ANKRD36: variants seen among roughly 807,000 people sequenced by gnomAD.
ANKRD36 encodes ankyrin repeat domain-containing protein 36A.
ANKRD36 carries 179 observed loss-of-function variants against 278.1 expected under a neutral mutation model. That is an observed-to-expected ratio of 0.64 (90% CI 0.57 to 0.73). ANKRD36 has a LOEUF of 0.73. Among genes scored for constraint, ANKRD36 ranks in the 30% least tolerant of loss-of-function variants. ANKRD36 has a pLI of 0.00. For missense variants in ANKRD36, 1,159 were observed against 1,956.7 expected (o/e 0.59, Z 7.69); for synonymous variants, 320 against 641.1 (o/e 0.50, Z 7.57).
chr2:97,205,923 T>C lies in ANKRD36; in HGVS notation c.3062-17T>C. On this transcript the variant is annotated splice_polypyrimidine_tract_variant and intron_variant, in intron 50 of 75. Transcript: ENST00000420699. ...ATATTTACATATGACTGATTATGAA[T>C]CACTTTTGCTTTTCAGTGTCTTCTC... The C allele has an allele frequency of 1.9e-6, 3 of 1,547,628 alleles. No individual in the cohort carries two copies. The highest frequency in any genetic ancestry group is 1.7e-6 in the Non-Finnish European group (2 of 1,150,578).
rs531523083 is a variant in ANKRD36, at chr2:97,230,323, G to A, written c.3952-3407G>A. On this transcript the variant is annotated intron_variant, in intron 67 of 75. Transcript: ENST00000420699. The stretch of plus-strand genomic sequence containing the variant: ...TTCACTTAGTCCCATATTTCTTGGA[G>A]GCTTTGTTTGTTTCTTTTCATTCTT... 1.7e-3 allele frequency among the ~76,000 whole-genome samples: 259 copies of A among 152,134 alleles called. 2 individuals carry two copies. The highest frequency in any genetic ancestry group is 2.1e-3 in the Non-Finnish European group (144 of 68,030).
intron 60 of ANKRD36, among the ~76,000 whole-genome samples, chr2:97,214,215 A>G (rs1371946700): frequency 1.4e-5 from 2 of 138,062 alleles, no homozygotes; most frequent in Non-Finnish European, 3.1e-5. Flanking sequence ...AGCTGCTGGA[A>G]CTACTGGGTG....
intron 30 of ANKRD36, among the ~76,000 whole-genome samples, chr2:97,186,012 C>G (rs369259925): frequency 6.6e-6 from 1 of 151,688 alleles, no homozygotes; most frequent in Non-Finnish European, 1.5e-5. Context: ...GTTATTTATG[C>G]AATTTTGGGG....
chr2:97,158,721 C>T, intron 17 of ANKRD36, 66 bp downstream of exon 17: 1 of 1,390,024 alleles, frequency 7.2e-7, no homozygotes, highest in South Asian at 1.3e-5. Flanking sequence ...CACCAACTCA[C>T]TCTTATCTGT....
intron 6 of ANKRD36, among the ~76,000 whole-genome samples, chr2:97,134,856 G>C (rs1314072078): frequency 6.6e-6 from 1 of 152,052 alleles, no homozygotes; most frequent in Non-Finnish European, 1.5e-5. Context: ...AAGGAAACAA[G>C]ACTCAGATTG....
At chr2:97,209,040 G>A (rs1481454740) in intron 54 of ANKRD36, among the ~76,000 whole-genome samples, 5 of 146,636 alleles carry the variant, frequency 3.4e-5, no homozygotes, top group Middle Eastern at 3.5e-3. Context: ...GGATGAAGAA[G>A]CTTTCGGAAG....
chr2:97,147,121 C>A (rs930694612), intron 11 of ANKRD36, among the ~76,000 whole-genome samples: 3 of 151,700 alleles, frequency 2.0e-5, no homozygotes, highest in African/African-American at 7.3e-5. Flanking sequence ...ATGGAGAATA[C>A]CTAAATATAG....
chr2:97,211,364 C>T (rs1249587869), intron 56 of ANKRD36, among the ~76,000 whole-genome samples, 182 bp from the exon 57 acceptor site: 1 of 151,846 alleles, frequency 6.6e-6, no homozygotes, highest in Non-Finnish European at 1.5e-5. Flanking sequence ...TTTCATGGAG[C>T]CTGTATTCCC....
chr2:97,228,843 T>C (rs1188806585), intron 67 of ANKRD36, among the ~76,000 whole-genome samples: 166 of 148,634 alleles, frequency 1.1e-3, no homozygotes, highest in African/African-American at 3.5e-3. Context: ...TGTGTCTTTG[T>C]TCTCATTGGT....
intron 2 of ANKRD36, 53 bp from the exon 3 acceptor site, chr2:97,118,291 G>A: frequency 6.8e-6 from 11 of 1,611,168 alleles, no homozygotes; most frequent in Non-Finnish European, 9.3e-6. Flanking sequence ...ATCCTACGGA[G>A]TGTTTATTTT....
intron 67 of ANKRD36, among the ~76,000 whole-genome samples, 162 bp from the exon 68 acceptor site, chr2:97,233,568 T>G (rs897799064): frequency 3.4e-4 from 52 of 152,198 alleles, no homozygotes; most frequent in African/African-American, 1.1e-3. Context: ...TGTGGTCTTC[T>G]GAACTAGAGT....
chr2:97,130,886 A>G (rs888109546), intron 6 of ANKRD36, among the ~76,000 whole-genome samples: 5 of 152,124 alleles, frequency 3.3e-5, no homozygotes, highest in African/African-American at 1.2e-4. Context: ...GTTCTAAAGT[A>G]TATCTGGTAT....
At position 97,155,342 on chromosome 2, in the gene ANKRD36, A is replaced by T. The variant is rs1237336512; in HGVS notation, c.1260+601A>T. Among the ~76,000 whole-genome samples, 7 of 144,864 alleles carry T rather than the reference A, an allele frequency of 4.8e-5. 2 individuals are homozygous for T. Among genetic ancestry groups the T allele is most frequent in the African/African-American group, 7.3e-5 (3 of 41,020 alleles). On this transcript the variant is annotated intron_variant, in intron 15 of 75. Transcript: ENST00000420699. Reference sequence around the variant, plus strand: ...TGGAAATTTAACTAGACATGGTATCATGTGCCTGTAGTCCCACCTACTCAA... The same window carrying T: ...TGGAAATTTAACTAGACATGGTATCTTGTGCCTGTAGTCCCACCTACTCAA...
intron 8 of ANKRD36, among the ~76,000 whole-genome samples, chr2:97,143,570 ATTTGC>A (rs1159031875): frequency 6.6e-6 from 1 of 152,024 alleles, no homozygotes; most frequent in African/African-American, 2.4e-5. Context: ...ATATGCATAT[ATTTGC>A]TTTGTTTTTA....
intron 6 of ANKRD36, among the ~76,000 whole-genome samples, chr2:97,138,921 A>G (rs2042187704): frequency 6.6e-6 from 1 of 152,046 alleles, no homozygotes. Flanking sequence ...ACTTTATACA[A>G]AAATTAACTC....
intron 1 of ANKRD36, among the ~76,000 whole-genome samples, chr2:97,114,981 A>G (rs1458950631): frequency 1.3e-5 from 2 of 152,102 alleles, no homozygotes; most frequent in African/African-American, 4.8e-5. Flanking sequence ...AATTTCCACA[A>G]GTTATTTACT....
intron 44 of ANKRD36, among the ~76,000 whole-genome samples, chr2:97,199,899 G>A (rs563696516): frequency 6.6e-6 from 1 of 152,032 alleles, no homozygotes; most frequent in South Asian, 2.1e-4. Flanking sequence ...TATTGGGCAA[G>A]TTAAAGAGCA....
At chr2:97,158,811 C>A (rs1016316132) in intron 17 of ANKRD36, among the ~76,000 whole-genome samples, 156 bp downstream of exon 17, 1 of 151,950 alleles carries the variant, frequency 6.6e-6, no homozygotes, top group African/African-American at 2.4e-5. Flanking sequence ...TGCCATCTCC[C>A]TGTCTTTATA....
intron 6 of ANKRD36, among the ~76,000 whole-genome samples, chr2:97,130,577 C>A (rs2039880877): frequency 6.6e-6 from 1 of 151,150 alleles, no homozygotes; most frequent in African/African-American, 2.4e-5. Context: ...GCACATGTAC[C>A]CTAAAAGTAT....
Sources: allele counts gnomAD v4.1 joint callset (sites outside exome capture counted in the v4.1 genomes callset), GRCh38; gene constraint gnomAD v4.1.1; transcripts MANE v1.5; gene names NCBI Gene and HGNC (gene_info 2026-07-23, HGNC 2026-07-21).